Variants in NMT2 observed in about 807,000 individuals in gnomAD.
NMT2 encodes N-myristoyltransferase 2, also known as glycylpeptide N-tetradecanoyltransferase 2.
NMT2 carries 35 observed loss-of-function variants against 65.4 expected under a neutral mutation model. The ratio of observed to expected loss-of-function variants is 0.54; its 90% CI spans 0.41 to 0.71. The LOEUF (loss-of-function observed/expected upper bound fraction) is 0.71. Ranked by LOEUF, NMT2 falls within the 30% of genes least tolerant of loss-of-function variation. The probability of loss-of-function intolerance (pLI) is 0.00; values close to 1 mark genes in which losing one functional copy is unlikely to be tolerated. For missense variants in NMT2, 489 were observed against 611.3 expected (o/e 0.80, Z 2.11); for synonymous variants, 226 against 231.8 (o/e 0.98, Z 0.23).
At chr10:15,144,057 G>T (rs1282780092) in intron 1 of NMT2, among the ~76,000 whole-genome samples, 1 of 152,124 alleles carries the variant, frequency 6.6e-6, no homozygotes, top group Non-Finnish European at 1.5e-5. Flanking sequence ...TCCATTTTGG[G>T]AGTTAATTGA....
In NMT2 at chr10:15,155,561, T is replaced by G. The variant is rs981321188; in HGVS notation, c.110+12942A>C. Among the ~76,000 whole-genome samples, 3 of 142,960 alleles carry G rather than the reference T, an allele frequency of 2.1e-5. No homozygotes were observed. The East Asian group carries it at 6.1e-4, about 29-fold the overall frequency. The allele number at this position is 142,960 out of a possible 152,430, so 93.8% of individuals were successfully genotyped here. A position where few individuals can be genotyped will look rare whatever the true frequency, so the allele number is the denominator to read the frequency against. ...TTTTTTTTTTTTTTTTTTTTTTTTT[T>G]TTGTAGAGGCAGGATCTTGCTATAT... On this transcript the variant is annotated intron_variant, in intron 1 of 11. Transcript: ENST00000378165.
intron 2 of NMT2, among the ~76,000 whole-genome samples, chr10:15,140,662 C>T (rs557232906): frequency 2.0e-5 from 3 of 152,130 alleles, no homozygotes; most frequent in South Asian, 2.1e-4. Context: ...GGACTACAGG[C>T]GTGAGCCACC....
At chr10:15,161,430 C>T (rs1470325670) in intron 1 of NMT2, among the ~76,000 whole-genome samples, 1 of 152,176 alleles carries the variant, frequency 6.6e-6, no homozygotes, top group Admixed American at 6.5e-5. Flanking sequence ...CGACTCACTG[C>T]AACCTCCACC....
chr10:15,154,539 A>G (rs921424557), intron 1 of NMT2, among the ~76,000 whole-genome samples: 4 of 152,214 alleles, frequency 2.6e-5, no homozygotes, highest in Non-Finnish European at 5.9e-5. Context: ...TTCATAGCCT[A>G]TGCACAAAGG....
At chr10:15,118,890 T>C (rs1318216176) in intron 9 of NMT2, among the ~76,000 whole-genome samples, 1 of 152,208 alleles carries the variant, frequency 6.6e-6, no homozygotes, top group African/African-American at 2.4e-5. Context: ...TCTAATGATA[T>C]GCCCTGGAAA....
chr10:15,139,554 G>A (rs1846655410), intron 2 of NMT2, among the ~76,000 whole-genome samples: 1 of 152,074 alleles, frequency 6.6e-6, no homozygotes, highest in Admixed American at 6.6e-5. Flanking sequence ...GAAACGGGAA[G>A]AGTGTTTTGC....
chr10:15,110,557 G>A (rs563629439), intron 10 of NMT2, among the ~76,000 whole-genome samples: 1 of 152,278 alleles, frequency 6.6e-6, no homozygotes, highest in African/African-American at 2.4e-5. Flanking sequence ...GATTGCATAA[G>A]CCGAAGAGGT....
chr10:15,124,767 A>T (rs1424299509), intron 8 of NMT2, among the ~76,000 whole-genome samples: 1 of 152,222 alleles, frequency 6.6e-6, no homozygotes, highest in Non-Finnish European at 1.5e-5. Flanking sequence ...GCAGACACCC[A>T]AGGGACTGCT....
intron 10 of NMT2, among the ~76,000 whole-genome samples, chr10:15,111,509 CA>C (rs58537120): frequency 0.024 from 1,242 of 52,790 alleles, 16 homozygotes; most frequent in East Asian, 0.18. Flanking sequence ...AGACTCATCT[CA>C]AAAAAAAAAA....
chr10:15,123,429 T>C (rs1480940557), intron 8 of NMT2, among the ~76,000 whole-genome samples: 4 of 147,968 alleles, frequency 2.7e-5, no homozygotes, highest in African/African-American at 7.5e-5. Context: ...CTCAGGAGGC[T>C]GAGGCAGGAG....
chr10:15,166,376 T>G (rs1833378831), intron 1 of NMT2, among the ~76,000 whole-genome samples: 2 of 152,324 alleles, frequency 1.3e-5, no homozygotes, highest in Admixed American at 1.3e-4. Flanking sequence ...TTATTTAAAC[T>G]GATGGGAATG....
intron 10 of NMT2, among the ~76,000 whole-genome samples, chr10:15,110,305 G>C (rs1845466219): frequency 2.6e-5 from 4 of 151,456 alleles, no homozygotes; most frequent in Admixed American, 2.6e-4. Context: ...GAATTCAGTT[G>C]AAAATTGTCT....
chr10:15,139,277 TATCTATCTATCTATCTATCC>T (rs1312751978), intron 2 of NMT2, among the ~76,000 whole-genome samples: 2,156 of 151,884 alleles, frequency 0.014, 43 homozygotes, highest in African/African-American at 0.049. Flanking sequence ...TCTATCTATC[TATCTATCTATCTATCTATCC>T]ATCCATCCAT....
chr10:15,158,661 G>A (rs563511210), intron 1 of NMT2, among the ~76,000 whole-genome samples: 81 of 152,254 alleles, frequency 5.3e-4, no homozygotes, highest in Admixed American at 7.8e-4. Context: ...AGGCAGACAC[G>A]CTGTGTTCTG....
At chr10:15,118,852 A>C (rs113450655) in intron 9 of NMT2, among the ~76,000 whole-genome samples, 107 of 152,340 alleles carry the variant, frequency 7.0e-4, no homozygotes, top group African/African-American at 2.3e-3. Context: ...AAAATGTGAA[A>C]GATGGGTCCA....
chr10:15,141,411 A>T lies in NMT2; in HGVS notation c.246+11T>A. 3.7e-6 allele frequency: 6 copies of T among 1,613,622 alleles called. No individual in the cohort carries two copies. The highest frequency in any genetic ancestry group is 5.1e-6 in the Non-Finnish European group (6 of 1,179,920). ...AACCACACAGAGGAAAAAATAAAACAGAGCTCTCACTTTCGAAGGCTGCTG... is the reference window on the plus strand; with the variant it reads ...AACCACACAGAGGAAAAAATAAAACTGAGCTCTCACTTTCGAAGGCTGCTG... On this transcript the variant is annotated intron_variant, in intron 2 of 11. Transcript: ENST00000378165.
At chr10:15,130,342 G>T in intron 6 of NMT2, 30 bp from the exon 7 acceptor site, 1 of 1,457,196 alleles carries the variant, frequency 6.9e-7, no homozygotes, top group Non-Finnish European at 9.2e-7. Context: ...AAGATTAAGA[G>T]TCAAAACGAG....
intron 1 of NMT2, among the ~76,000 whole-genome samples, chr10:15,142,118 T>A (rs912929371): frequency 3.3e-5 from 5 of 152,244 alleles, no homozygotes; most frequent in African/African-American, 4.8e-5. Flanking sequence ...CTAGTTTTGT[T>A]ACCTAGCATC....
chr10:15,155,518 G>A (rs1041276415), intron 1 of NMT2, among the ~76,000 whole-genome samples: 2 of 143,704 alleles, frequency 1.4e-5, no homozygotes, highest in Non-Finnish European at 3.0e-5. Flanking sequence ...ACAGGTGTAT[G>A]CCACTATGCC....
Sources: gnomAD v4.1 joint callset for allele counts (sites outside exome capture counted in the v4.1 genomes callset) on GRCh38, gnomAD v4.1.1 for gene constraint, MANE v1.5 for transcripts, NCBI Gene and HGNC (gene_info 2026-07-23, HGNC 2026-07-21) for gene names.